The following ABR variants were observed in gnomAD, a reference collection of about 807,000 sequenced individuals.
ABR encodes the protein active breakpoint cluster region-related protein.
A neutral mutation model predicts 107.2 loss-of-function variants in ABR; 35 were observed. The observed-to-expected ratio is 0.33, with a 90% CI of 0.25 to 0.43. The LOEUF (loss-of-function observed/expected upper bound fraction) is 0.43. Among genes scored for constraint, ABR ranks in the 20% least tolerant of loss-of-function variants. The probability of loss-of-function intolerance (pLI) is 1.00; values close to 1 mark genes in which losing one functional copy is unlikely to be tolerated. For missense variants in ABR, 815 were observed against 1,115.2 expected, an observed-to-expected ratio of 0.73 and a Z score of 3.83; for synonymous variants, 498 against 462.0, an observed-to-expected ratio of 1.08 and a Z score of -1.00.
chr17:1,088,065 C>T (rs910690257), intron 4 of ABR, among the ~76,000 whole-genome samples: 1 of 152,206 alleles, frequency 6.6e-6, no homozygotes, highest in Non-Finnish European at 1.5e-5. Flanking sequence ...AAACCACCTC[C>T]GGATGCCAGA....
chr17:1,077,572 C>A (rs890438875), intron 6 of ABR, among the ~76,000 whole-genome samples: 1 of 152,172 alleles, frequency 6.6e-6, no homozygotes, highest in Admixed American at 6.5e-5. Flanking sequence ...GAGCTTGCTT[C>A]CATCAAGAGG....
intron 2 of ABR, among the ~76,000 whole-genome samples, chr17:1,106,883 T>C (rs547137662): frequency 3.9e-5 from 6 of 152,356 alleles, no homozygotes; most frequent in Admixed American, 3.9e-4. Flanking sequence ...CCCCTTGCTC[T>C]GAACGCCTTG....
At chr17:1,182,645 C>A (rs1204255727), upstream of ABR, among the ~76,000 whole-genome samples, 1 of 152,188 alleles carries the variant, frequency 6.6e-6, no homozygotes, top group African/African-American at 2.4e-5. Context: ...GGATTACAGG[C>A]GTGAGCCACC....
chr17:1,040,578 C>T (rs1189348409), intron 16 of ABR, among the ~76,000 whole-genome samples: 1 of 152,186 alleles, frequency 6.6e-6, no homozygotes, highest in Non-Finnish European at 1.5e-5. Flanking sequence ...CAGCCAAAGG[C>T]CCCGACCCAG....
intron 11 of ABR, 43 bp from the exon 12 acceptor site, chr17:1,058,088 G>T: frequency 6.8e-7 from 1 of 1,474,482 alleles, no homozygotes; most frequent in Non-Finnish European, 9.5e-7. Flanking sequence ...CCACAGTCAG[G>T]CAAAGCGTAC....
chr17:1,144,570 C>T (rs911537274), intron 1 of ABR, among the ~76,000 whole-genome samples: 22 of 148,294 alleles, frequency 1.5e-4, no homozygotes, highest in Admixed American at 8.8e-4. Flanking sequence ...CAAACAATAA[C>T]GCGTTCAGTC....
At chr17:1,228,914 G>A (rs2043277004) in exon 1 of ABR, 1 of 151,726 alleles carries the variant, frequency 6.6e-6, no homozygotes, top group Non-Finnish European at 1.5e-5. Context: ...GCCGCCACGG[G>A]GGCAGGTGCT....
Position 1,078,104 on chromosome 17 carries a change from G to GGTGTGTGTGTGTGTGTGTGTGTGTGT in ABR, c.700+1200_700+1225dup, listed in dbSNP as rs34146750. Among the ~76,000 whole-genome samples, 15 of 148,482 alleles carry GGTGTGTGTGTGTGTGTGTGTGTGTGT rather than the reference G, an allele frequency of 1.0e-4. No homozygotes were observed. In the East Asian group the frequency reaches 1.8e-3, roughly 18 times the overall value. ...GTCCGGGTCCCTTCCACCGAAAGGT[G>GGTGTGTGTGTGTGTGTGTGTGTGTGT]GTGTGTGTGTGTGTGTGTGTGTGTG... On this transcript the variant is annotated intron_variant, in intron 6 of 22. Transcript: ENST00000302538. The surrounding 1 kb of genome is among the most constrained non-coding windows in gnomAD (Gnocchi z 7.5).
chr17:1,033,302 C>A (rs1258026533), intron 16 of ABR, among the ~76,000 whole-genome samples: 2 of 152,228 alleles, frequency 1.3e-5, no homozygotes, highest in Non-Finnish European at 2.9e-5. Flanking sequence ...GTAGTCAGAG[C>A]TGTCCTTCGT....
chr17:1,104,602 G>A (rs549096867), intron 2 of ABR, among the ~76,000 whole-genome samples: 5 of 152,350 alleles, frequency 3.3e-5, no homozygotes, highest in Admixed American at 6.5e-5. Context: ...GGGGGTGGCC[G>A]TGCCTGGGGC....
chr17:1,033,923 G>A (rs1322677901), intron 16 of ABR, among the ~76,000 whole-genome samples: 1 of 151,274 alleles, frequency 6.6e-6, no homozygotes, highest in Non-Finnish European at 1.5e-5. Flanking sequence ...CCTCCAGGAA[G>A]GCTCTGCTCA....
rs2069981563 is a variant in ABR, at chr17:1,005,823, C to T, written c.*257G>A. On this transcript the variant is annotated 3_prime_UTR_variant, in exon 23 of 23. Transcript: ENST00000302538. ...TGACAAGTGTACATAAAACAATTCCCGAACAGCACGGAGCATCAGACACAA... is the reference window on the plus strand; with the variant it reads ...TGACAAGTGTACATAAAACAATTCCTGAACAGCACGGAGCATCAGACACAA... 4 of 545,806 alleles carry T rather than the reference C, an allele frequency of 7.3e-6. No homozygotes were observed. The highest frequency in any genetic ancestry group is 4.8e-4 in the Middle Eastern group (1 of 2,084). The allele number at this position is 545,806 out of a possible 1,614,324, so 33.8% of individuals were successfully genotyped here. A position where few individuals can be genotyped will look rare whatever the true frequency, so the allele number is the denominator to read the frequency against.
In ABR at chr17:1,074,772, C is replaced by T. The variant is rs996188254; in HGVS notation, c.701-1095G>A. ...GGCCAGCCTGGCCAACCAGTGAAAC[C>T]CCATCTCTATTAAAAATACAAAAAT... On this transcript the variant is annotated intron_variant, in intron 6 of 22. Transcript: ENST00000302538. Among the ~76,000 whole-genome samples, 3 of 152,324 alleles carry T rather than the reference C, an allele frequency of 2.0e-5. No individual in the cohort carries two copies. In the South Asian group the frequency reaches 6.2e-4, roughly 32 times the overall value.
rs1021175060 is a variant in ABR at position 1,148,588 on chromosome 17, C to T, written c.62-23221G>A. On this transcript the variant is annotated intron_variant, in intron 1 of 22. Transcript: ENST00000302538. This position sits in a 1 kb window ranked among gnomAD's most constrained non-coding sequence, Gnocchi z 4.9. ...CACCCCCTGAACCCCACTTCCCATC[C>T]GAGCAGCAGCGGCATTAGGTTCTCG... Among the ~76,000 whole-genome samples, 7 of 152,330 alleles carry T rather than the reference C, an allele frequency of 4.6e-5. No individual in the cohort carries two copies. The highest frequency in any genetic ancestry group is 1.4e-4 in the African/African-American group (6 of 41,578).
intron 3 of ABR, among the ~76,000 whole-genome samples, chr17:1,093,839 C>T (rs536849363): frequency 1.3e-5 from 2 of 152,258 alleles, no homozygotes; most frequent in South Asian, 4.1e-4. Context: ...TGGAAGAAGT[C>T]GTCTCATCTA....
chr17:1,214,618 A>G (rs914183479), intron 1 of ABR, among the ~76,000 whole-genome samples: 2 of 152,018 alleles, frequency 1.3e-5, no homozygotes, highest in African/African-American at 4.8e-5. Flanking sequence ...CTTGACCAAC[A>G]TGGAGAAACC....
intron 10 of ABR, among the ~76,000 whole-genome samples, chr17:1,062,728 G>A (rs1261795941): frequency 6.5e-4 from 94 of 144,182 alleles, no homozygotes; most frequent in African/African-American, 2.3e-3. Context: ...TGAGGGCTAT[G>A]CATGTTCCTC....
intron 1 of ABR, among the ~76,000 whole-genome samples, chr17:1,165,239 A>T (rs2041459772): frequency 6.6e-6 from 1 of 152,204 alleles, no homozygotes; most frequent in Non-Finnish European, 1.5e-5. Flanking sequence ...CAATCCAAAA[A>T]TGCCCCTCAG....
intron 1 of ABR, among the ~76,000 whole-genome samples, chr17:1,164,608 G>A (rs1435661898): frequency 6.6e-6 from 1 of 152,196 alleles, no homozygotes; most frequent in Non-Finnish European, 1.5e-5. Context: ...GAACATGAAC[G>A]TCGGGTGAGC....
Sources: allele counts gnomAD v4.1 joint callset (sites outside exome capture counted in the v4.1 genomes callset), GRCh38; gene constraint gnomAD v4.1.1; non-coding constraint Gnocchi (gnomAD v3.1); transcripts MANE v1.5; gene names NCBI Gene and HGNC (gene_info 2026-07-23, HGNC 2026-07-21).